The following BCOR variants were observed in gnomAD, a reference collection of about 807,000 sequenced individuals.
BCOR encodes BCL6 corepressor.
In BCOR, 10 loss-of-function variants were observed where a neutral mutation model predicts 86.7. That is an observed-to-expected ratio of 0.12 (90% CI 0.07 to 0.20). The LOEUF (loss-of-function observed/expected upper bound fraction) is 0.20. Ranked by LOEUF, BCOR falls within the 10% of genes least tolerant of loss-of-function variation. The pLI is 1.00. For synonymous variants in BCOR, 611 were observed against 609.0 expected (o/e 1.00, Z -0.05); for missense variants, 1,259 against 1,452.1 (o/e 0.87, Z 2.16).
chrX:40,121,898 G>A (rs1340198039), intron 1 of BCOR, among the ~76,000 whole-genome samples: 1 of 112,310 alleles, frequency 8.9e-6, no homozygotes, highest in Non-Finnish European at 1.9e-5. Flanking sequence ...AGCTGGAAAC[G>A]GTGCTGCACA....
chrX:40,125,664 A>G (rs1028377174), intron 1 of BCOR, among the ~76,000 whole-genome samples: 1 of 112,483 alleles, frequency 8.9e-6, no homozygotes, highest in Admixed American at 9.5e-5. Flanking sequence ...CATTGTGAGC[A>G]GAGACAATCC....
intron 1 of BCOR, among the ~76,000 whole-genome samples, chrX:40,173,632 G>A (rs1476692366): frequency 8.9e-6 from 1 of 112,370 alleles, no homozygotes; most frequent in Non-Finnish European, 1.9e-5. Flanking sequence ...ATAGGAGGGA[G>A]AGTCCTTTTT....
intron 1 of BCOR, among the ~76,000 whole-genome samples, chrX:40,158,703 T>G (rs926101228): frequency 8.9e-6 from 1 of 112,873 alleles, no homozygotes; most frequent in Non-Finnish European, 1.9e-5. Context: ...CTACCCACCG[T>G]TCACAGGGCG....
chrX:40,175,791 G>A (rs1294621863), intron 1 of BCOR, among the ~76,000 whole-genome samples: 1 of 112,966 alleles, frequency 8.9e-6, no homozygotes, highest in Non-Finnish European at 1.9e-5. Context: ...ACCGTTCCCC[G>A]CCCCCACCTC....
chrX:40,073,073 G>A lies in BCOR; in HGVS notation c.2273C>T (p.Pro758Leu), dbSNP rs2147221764. 8.3e-7 allele frequency: 1 copy of A among 1,212,007 alleles called. No homozygotes were observed. The highest frequency in any genetic ancestry group is 1.1e-6 in the Non-Finnish European group (1 of 895,586). The change falls in exon 4 of 15, where the codon CCA (proline) becomes CTA (leucine). Residue 758 changes from proline (P) to leucine (L), a missense_variant. Pro to Leu is a moderately conservative substitution (Grantham distance 98, BLOSUM62 -3). Coordinates refer to ENST00000378444, the MANE Select transcript of BCOR (RefSeq NM_001123385.2). The stretch of plus-strand genomic sequence containing the variant: ...CTCGGAAAACCGATTCCGGAGGGTT[G>A]GGTCCTCGTAACGGGCTCTCTCATG... ...RSHERARYED[P>L]TLRNRFSEIL...
chrX:40,063,906 TA>T lies in BCOR; in HGVS notation c.3548del (p.Leu1183Ter), dbSNP rs1275546660. The T allele has an allele frequency of 8.3e-7, 1 of 1,210,364 alleles. No homozygotes were observed. On this transcript the variant is annotated frameshift_variant, in exon 8 of 15. Transcript: ENST00000378444. LOFTEE classifies it high-confidence loss of function. Reference protein sequence around the residue: ...REMTNSSSNHLEDPHYSELTN... With the variant: ...REMTNSSSNHXEDPHYSELTN... ...TCAGCTCACTATAATGTGGGTCTTC[TA>T]AGTGGTTAGAGGAACTGTTTGTCAT... is the stretch of plus-strand genomic sequence containing the variant.
At chrX:40,064,673 G>A (rs1935111612) in intron 6 of BCOR, 74 bp from the exon 7 acceptor site, 12 of 1,112,580 alleles carry the variant, frequency 1.1e-5, no homozygotes, top group Admixed American at 2.2e-5. Flanking sequence ...TGGGGAGTGC[G>A]TGGGACCACC....
chrX:40,168,034 G>A (rs752934513), intron 1 of BCOR, among the ~76,000 whole-genome samples: 12 of 112,439 alleles, frequency 1.1e-4, no homozygotes, highest in African/African-American at 2.3e-4. Flanking sequence ...CCAGAGCTCT[G>A]GCAGCCAGGA....
intron 1 of BCOR, among the ~76,000 whole-genome samples, chrX:40,151,251 C>T (rs1381400224): frequency 8.9e-6 from 1 of 112,668 alleles, no homozygotes; most frequent in Non-Finnish European, 1.9e-5. Context: ...ACCTACACAC[C>T]AAGTCCCAAA....
chrX:40,161,855 C>A (rs765834631), intron 1 of BCOR, among the ~76,000 whole-genome samples: 1 of 111,772 alleles, frequency 8.9e-6, no homozygotes, highest in Non-Finnish European at 1.9e-5. Context: ...AAGTACATAA[C>A]GGTCTGCAGT....
intron 1 of BCOR, among the ~76,000 whole-genome samples, chrX:40,116,315 G>A (rs1048194958): frequency 9.1e-6 from 1 of 110,464 alleles, no homozygotes; most frequent in African/African-American, 3.3e-5. Flanking sequence ...GGCTAACACC[G>A]TGAAACCCCG....
At chrX:40,172,276 C>T (rs1280373042) in intron 1 of BCOR, among the ~76,000 whole-genome samples, 1 of 112,658 alleles carries the variant, frequency 8.9e-6, no homozygotes, top group East Asian at 2.8e-4. Flanking sequence ...CCGGTCCTCT[C>T]CTCTGATCCC....
intron 8 of BCOR, among the ~76,000 whole-genome samples, 191 bp from the exon 9 acceptor site, chrX:40,063,262 G>A (rs910935404): frequency 8.9e-6 from 1 of 112,405 alleles, no homozygotes; most frequent in African/African-American, 3.2e-5. Flanking sequence ...ACATTCAAAC[G>A]GCACCTAAGT....
intron 1 of BCOR, among the ~76,000 whole-genome samples, chrX:40,107,481 G>C (rs1937212977): frequency 8.8e-6 from 1 of 113,081 alleles, no homozygotes; most frequent in South Asian, 3.6e-4. Context: ...GAGCTGCTCA[G>C]GCGGCAATTT....
Position 40,073,353 on chromosome X carries a change from C to T in BCOR, c.1993G>A (p.Gly665Ser). 8.3e-7 allele frequency: 1 copy of T among 1,211,830 alleles called. No individual in the cohort carries two copies. The highest frequency in any genetic ancestry group is 1.1e-6 in the Non-Finnish European group (1 of 895,293). ...AAGGAGAGGGGACTTACAGCAATGC[C>T]CTCAGGGGCTGGGTAAGGGAGGTAA... ...RSYLPYPAPE[G>S]IAVSPLSLHG... Residue 665 changes from glycine (G) to serine (S), a missense_variant, in exon 4 of 15, where the codon GGC becomes AGC. By Grantham distance (56) the Gly-to-Ser change is moderately conservative. Transcript: ENST00000378444.
rs757718891 is a variant in BCOR, at chrX:40,165,170, G to A, written c.-41+11837C>T. 1.6e-3 allele frequency among the ~76,000 whole-genome samples: 176 copies of A among 112,040 alleles called. 1 individual carries two copies. Among genetic ancestry groups the A allele is most frequent in the African/African-American group, 5.4e-3 (168 of 30,839 alleles). ...CAAAAATGATAAAGCAGCTTGCAAT[G>A]GGGAGAAAACCAGGCCACATTGTGT... On this transcript the variant is annotated intron_variant, in intron 1 of 14. Coordinates refer to the BCOR transcript ENST00000342274.
At position 40,073,515 on chromosome X, in the gene BCOR, T is replaced by C. The variant is rs780198066; in HGVS notation, c.1831A>G (p.Ser611Gly). ...GCTTTGGCGCCCTTGCTGCTGGTGC[T>C]GCTACTGTGCTTGGCAGGAGTGGCC... The part of the protein sequence containing the change: ...PPATPAKHSS[S>G]TSSKGAKASN... The change falls in exon 4 of 15, where the codon AGC (serine) becomes GGC (glycine). Residue 611 changes from serine (S) to glycine (G), a missense_variant. Physicochemically the swap from Ser to Gly is moderately conservative, Grantham distance 56 (BLOSUM62 0). Transcript: ENST00000378444. The C allele has an allele frequency of 4.1e-6, 5 of 1,212,577 alleles. No individual in the cohort carries two copies. Among genetic ancestry groups the C allele is most frequent in the Non-Finnish European group, 5.6e-6 (5 of 895,712 alleles).
At chrX:40,166,725 GA>G (rs1325344575) in intron 1 of BCOR, among the ~76,000 whole-genome samples, 2 of 112,147 alleles carry the variant, frequency 1.8e-5, no homozygotes, top group African/African-American at 6.5e-5. Context: ...TTCCTCTGAT[GA>G]AAGGCGCTTA....
At chrX:40,070,160 G>A (rs1434606849) in intron 6 of BCOR, among the ~76,000 whole-genome samples, 1 of 111,823 alleles carries the variant, frequency 8.9e-6, no homozygotes, top group Non-Finnish European at 1.9e-5. Context: ...CCTGTGTCAG[G>A]AGGACTTTGC....
Sources: allele counts gnomAD v4.1 joint callset (sites outside exome capture counted in the v4.1 genomes callset), GRCh38; gene constraint gnomAD v4.1.1; transcripts MANE v1.5; gene names NCBI Gene and HGNC (gene_info 2026-07-23, HGNC 2026-07-21).